MKRN2: variants seen among roughly 807,000 people sequenced by gnomAD.
MKRN2 encodes the protein makorin ring finger protein 2, also known as E3 ubiquitin-protein ligase makorin-2.
MKRN2 carries 32 observed loss-of-function variants against 45.4 expected under a neutral mutation model. The observed-to-expected ratio is 0.70, with a 90% CI of 0.53 to 0.95. The LOEUF (loss-of-function observed/expected upper bound fraction) is 0.95. MKRN2 is among the 40% of genes least tolerant of loss of function. MKRN2 has a pLI of 0.00. For missense variants in MKRN2, 526 were observed against 536.7 expected, an observed-to-expected ratio of 0.98 and a Z score of 0.20; for synonymous variants, 206 against 192.4, an observed-to-expected ratio of 1.07 and a Z score of -0.59.
chr3:12,558,405 C>T lies in MKRN2; in HGVS notation c.26+1229C>T, dbSNP rs190750316. ...GTTTCTCCTGCTGGAGGAAGTATTC[C>T]TAGGTCATTGTGCACTGTAAAGCAG... On this transcript the variant is annotated intron_variant, in intron 1 of 7. Transcript: ENST00000170447. Among the ~76,000 whole-genome samples the T allele has an allele frequency of 2.0e-5, 3 of 152,104 alleles. No individual in the cohort carries two copies. In the East Asian group the frequency reaches 5.8e-4, roughly 29 times the overall value.
At chr3:12,569,097 G>T (rs1385978466) in intron 2 of MKRN2, 94 bp downstream of exon 2, 7 of 1,398,050 alleles carry the variant, frequency 5.0e-6, no homozygotes, top group African/African-American at 1.5e-5. Flanking sequence ...AAGTAATATG[G>T]CAACATCACA....
In MKRN2 at chr3:12,572,305, G is replaced by T. The variant is rs2125304627; in HGVS notation, c.574G>T (p.Val192Leu). Residue 192 changes from valine (V) to leucine (L), a missense_variant, in exon 4 of 8, where the codon GTG (valine) becomes TTG (leucine). Physicochemically the swap from Val to Leu is conservative, Grantham distance 32 (BLOSUM62 1). Transcript: ENST00000170447. Reference protein sequence around the residue: ...GDACVYLHGEVCEICRLQVLH... With the variant: ...GDACVYLHGELCEICRLQVLH... Reference sequence around the variant, plus strand: ...TGCCTGTGTCTACCTGCACGGGGAGGTGTGTGAAATCTGTAGGCTGCAAGT... The same window carrying T: ...TGCCTGTGTCTACCTGCACGGGGAGTTGTGTGAAATCTGTAGGCTGCAAGT... 2.5e-6 allele frequency: 4 copies of T among 1,612,602 alleles called. No homozygotes were observed. The highest frequency in any genetic ancestry group is 2.7e-5 in the African/African-American group (2 of 74,992).
intron 1 of MKRN2, chr3:12,561,015 G>A (rs968585701): frequency 6.6e-6 from 1 of 152,232 alleles, no homozygotes; most frequent in African/African-American, 2.4e-5. Context: ...AGGTGGCTTT[G>A]TGCTTGTCAC....
rs777716242 is a variant in MKRN2 at position 12,570,262 on chromosome 3, C to T, written c.337+10C>T. ...GTTCTTAGAGACCGAAGTGAGTAAGCGGAAGCCTTTTGTTGCGTCTTTTTG... is the reference window on the plus strand; with the variant it reads ...GTTCTTAGAGACCGAAGTGAGTAAGTGGAAGCCTTTTGTTGCGTCTTTTTG... On this transcript the variant is annotated intron_variant, in intron 3 of 7. Coordinates refer to ENST00000170447, the MANE Select transcript of MKRN2 (RefSeq NM_014160.5). 10 of 1,609,632 alleles carry T rather than the reference C, an allele frequency of 6.2e-6. No individual in the cohort carries two copies. The highest frequency in any genetic ancestry group is 1.7e-5 in the Admixed American group (1 of 59,392).
At chr3:12,569,861 T>C (rs750895569) in intron 2 of MKRN2, among the ~76,000 whole-genome samples, 49 of 152,172 alleles carry the variant, frequency 3.2e-4, no homozygotes, top group Non-Finnish European at 6.6e-4. Flanking sequence ...CACTTAAGCA[T>C]AGGTGATAGA....
chr3:12,580,970 G>A (rs2058174133), intron 6 of MKRN2, among the ~76,000 whole-genome samples: 1 of 151,628 alleles, frequency 6.6e-6, no homozygotes, highest in African/African-American at 2.4e-5. Context: ...CCCTTCCTCT[G>A]TACTCCGAGA....
intron 1 of MKRN2, among the ~76,000 whole-genome samples, chr3:12,562,689 G>T (rs949606130): frequency 1.1e-4 from 16 of 152,124 alleles, no homozygotes; most frequent in Admixed American, 9.2e-4. Flanking sequence ...TACCACCTGA[G>T]CTCCACCTCC....
chr3:12,572,434 C>T (rs1228940887), intron 4 of MKRN2, 61 bp downstream of exon 4: 2 of 1,440,064 alleles, frequency 1.4e-6, no homozygotes, highest in Non-Finnish European at 1.9e-6. Context: ...CTGAACAGGA[C>T]ACGGAAGGCC....
intron 6 of MKRN2, among the ~76,000 whole-genome samples, chr3:12,579,368 T>C (rs1042130246): frequency 6.6e-6 from 1 of 152,174 alleles, no homozygotes; most frequent in African/African-American, 2.4e-5. Flanking sequence ...GGTTTCGCCA[T>C]GTTGGCCAGG....
Position 12,582,189 on chromosome 3 carries a change from T to G in MKRN2, c.1187T>G (p.Val396Gly). Residue 396 changes from valine to glycine, a missense_variant, in exon 8 of 8, where the codon GTC (valine) becomes GGC (glycine). By Grantham distance (109) the Val-to-Gly change is moderately radical. Transcript: ENST00000170447. ...CGGCATGTCCCCAACAATGAAGATGTCGACATGACAGAGCTCGGGGACCTC... is the reference window on the plus strand; with the variant it reads ...CGGCATGTCCCCAACAATGAAGATGGCGACATGACAGAGCTCGGGGACCTC... ...ESRHVPNNED[V>G]DMTELGDLFM... 6.2e-7 allele frequency: 1 copy of G among 1,614,108 alleles called. No individual in the cohort carries two copies. The highest frequency in any genetic ancestry group is 1.6e-4 in the Middle Eastern group (1 of 6,062).
In MKRN2 at chr3:12,582,275, T is replaced by A; in HGVS notation, c.*22T>A. On this transcript the variant is annotated 3_prime_UTR_variant, in exon 8 of 8. Transcript: ENST00000170447. ...CTAAAGAGTAGATGGTTGCCCTGCA[T>A]CTTGGGCTCCATCGGCCGAAACTTT... is the stretch of plus-strand genomic sequence containing the variant. The A allele has an allele frequency of 6.2e-7, 1 of 1,610,574 alleles. No homozygotes were observed. Among genetic ancestry groups the A allele is most frequent in the Non-Finnish European group, 8.5e-7 (1 of 1,177,030 alleles).
At chr3:12,576,957 T>TTTTTTTTTTTTTGG (rs1553608767) in intron 6 of MKRN2, 1 of 271,180 alleles carries the variant, frequency 3.7e-6, no homozygotes. Flanking sequence ...TTTTTTTTTT[T>TTTTTTTTTTTTTGG]CGGTGAGATA....
At chr3:12,557,483 G>A (rs1047995671) in intron 1 of MKRN2, among the ~76,000 whole-genome samples, 1 of 152,252 alleles carries the variant, frequency 6.6e-6, no homozygotes, top group Admixed American at 6.5e-5. Context: ...GGGCGCTGTC[G>A]GGAAGGCTCT....
At chr3:12,565,516 C>G (rs1466678671) in intron 1 of MKRN2, among the ~76,000 whole-genome samples, 1 of 144,360 alleles carries the variant, frequency 6.9e-6, no homozygotes, top group Non-Finnish European at 1.5e-5. Context: ...ATTCTTTCCC[C>G]AACTTACCTT....
rs56316314 is a variant in MKRN2, at chr3:12,557,101, A to G, written c.-50A>G. 0.031 allele frequency: 43,089 copies of G among 1,393,022 alleles called. 783 individuals carry two copies. The highest frequency in any genetic ancestry group is 0.035 in the Non-Finnish European group (37,395 of 1,065,190). The allele number at this position is 1,393,022 out of a possible 1,614,324, so 86.3% of individuals were successfully genotyped here. ...GGGCCAGGGCCAAGGCCGAGGCGGC[A>G]GCGGCTGCGAGAGGCGGCGGCACGA... is the stretch of plus-strand genomic sequence containing the variant. On this transcript the variant is annotated 5_prime_UTR_variant, in exon 1 of 8. Coordinates refer to ENST00000170447, the MANE Select transcript of MKRN2 (RefSeq NM_014160.5).
intron 6 of MKRN2, among the ~76,000 whole-genome samples, chr3:12,579,778 C>T (rs966584464): frequency 2.0e-5 from 3 of 152,252 alleles, no homozygotes; most frequent in Non-Finnish European, 4.4e-5. Context: ...CTAAGGGACA[C>T]TTGAATCCCA....
chr3:12,562,129 G>A (rs186110298), intron 1 of MKRN2, among the ~76,000 whole-genome samples: 47 of 152,230 alleles, frequency 3.1e-4, no homozygotes, highest in African/African-American at 1.1e-3. Flanking sequence ...AGCAACATGT[G>A]TCCAGGGAAG....
intron 6 of MKRN2, among the ~76,000 whole-genome samples, chr3:12,580,194 A>G (rs2058168048): frequency 6.6e-6 from 1 of 152,214 alleles, no homozygotes; most frequent in Non-Finnish European, 1.5e-5. Context: ...AAAAAGAGTA[A>G]TATTCTTGTG....
chr3:12,575,061 A>G lies in MKRN2; in HGVS notation c.857+55A>G, dbSNP rs1333532364. ...GAGCTAGGAGAATGTTTGATTTGAG[A>G]CTTTATTCCGTCCACTTTTAAGCCC... On this transcript the variant is annotated intron_variant, in intron 5 of 7. Coordinates refer to ENST00000170447, the MANE Select transcript of MKRN2 (RefSeq NM_014160.5). 3.3e-6 allele frequency: 5 copies of G among 1,529,146 alleles called. No individual in the cohort carries two copies. The Admixed American group carries it at 6.9e-5, about 21-fold the overall frequency. 94.7% of individuals were successfully genotyped at this position (1,529,146 alleles called of 1,614,324 possible).
Sources: gnomAD v4.1 joint callset for allele counts (sites outside exome capture counted in the v4.1 genomes callset) on GRCh38, gnomAD v4.1.1 for gene constraint, MANE v1.5 for transcripts, NCBI Gene and HGNC (gene_info 2026-07-23, HGNC 2026-07-21) for gene names.